Variants in COBLL1 observed in about 807,000 individuals in gnomAD.
COBLL1 encodes cordon-bleu WH2 repeat protein like 1.
Under a neutral mutation model 94.8 loss-of-function variants are expected in COBLL1, and 50 were observed. The ratio of observed to expected loss-of-function variants is 0.53; its 90% CI spans 0.42 to 0.67. COBLL1 has a LOEUF of 0.67. COBLL1 is among the 30% of genes least tolerant of loss of function. The pLI, the probability that COBLL1 is intolerant of heterozygous loss-of-function variation, is 0.00. For synonymous variants in COBLL1, 448 were observed against 473.8 expected (o/e 0.95, Z 0.71); for missense variants, 1,362 against 1,348.7 (o/e 1.01, Z -0.15).
downstream of COBLL1, among the ~76,000 whole-genome samples, chr2:164,677,260 T>C (rs542091977): frequency 5.0e-4 from 74 of 148,510 alleles, no homozygotes; most frequent in South Asian, 5.2e-3. Context: ...TTCTTTCTTT[T>C]TTTTGCTATT....
Position 164,684,302 on chromosome 2 carries a change from T to C in COBLL1, c.*1644A>G, listed in dbSNP as rs1683179571. 1 of 152,138 alleles carries C rather than the reference T, an allele frequency of 6.6e-6. No homozygotes were observed. Among genetic ancestry groups the C allele is most frequent in the South Asian group, 2.1e-4 (1 of 4,836 alleles). The allele number at this position is 152,138 out of a possible 1,614,324, so 9.4% of individuals were successfully genotyped here. On this transcript the variant is annotated 3_prime_UTR_variant, in exon 14 of 14. Coordinates refer to ENST00000652658, the MANE Select transcript of COBLL1 (RefSeq NM_001365672.2). ...ATTAAGCCTTTCTTATATATTAATA[T>C]ATTGAAAACATCTTACATGTCGCTT...
At chr2:164,696,717 T>C (rs1052008769) in intron 11 of COBLL1, 1 of 152,224 alleles carries the variant, frequency 6.6e-6, no homozygotes, top group Non-Finnish European at 1.5e-5. Flanking sequence ...AACAACATGA[T>C]GGCAAAGCAC....
At chr2:164,714,261 G>A (rs1290351505) in intron 7 of COBLL1, among the ~76,000 whole-genome samples, 1 of 149,626 alleles carries the variant, frequency 6.7e-6, no homozygotes, top group Non-Finnish European at 1.5e-5. Flanking sequence ...TCAACCCTAT[G>A]ATACTCTGAT....
At chr2:164,671,313 C>CT (rs1489706752) in intron 1 of COBLL1, among the ~76,000 whole-genome samples, 1 of 151,832 alleles carries the variant, frequency 6.6e-6, no homozygotes, top group African/African-American at 2.4e-5. Context: ...GTTTTTTTGT[C>CT]TTTTTTTAAT....
intron 2 of COBLL1, among the ~76,000 whole-genome samples, chr2:164,772,564 C>A (rs1023262409): frequency 2.0e-5 from 3 of 151,962 alleles, no homozygotes; most frequent in Admixed American, 1.3e-4. Context: ...TCTAAGAAGA[C>A]TTCTTTAAAT....
At chr2:164,836,375 T>C (rs559606057) in intron 2 of COBLL1, among the ~76,000 whole-genome samples, 1 of 152,192 alleles carries the variant, frequency 6.6e-6, no homozygotes, top group South Asian at 2.1e-4. Flanking sequence ...TTTTTAAATA[T>C]AAAATGTAAA....
intron 2 of COBLL1, among the ~76,000 whole-genome samples, chr2:164,791,895 G>T (rs1168300447): frequency 6.7e-6 from 1 of 150,164 alleles, no homozygotes; most frequent in Non-Finnish European, 1.5e-5. Context: ...TTTAAAAAAA[G>T]CAGCCGGCTT....
At chr2:164,803,555 A>G (rs1337177728) in intron 2 of COBLL1, among the ~76,000 whole-genome samples, 3 of 138,550 alleles carry the variant, frequency 2.2e-5, no homozygotes, top group African/African-American at 8.3e-5. Flanking sequence ...ACAGAGCGAG[A>G]CTCTGTCTCA....
intron 2 of COBLL1, among the ~76,000 whole-genome samples, chr2:164,783,618 C>T (rs915287374): frequency 6.6e-6 from 1 of 152,044 alleles, no homozygotes; most frequent in African/African-American, 2.4e-5. Flanking sequence ...CAAGATTTAG[C>T]AGTAGTGGTT....
intron 9 of COBLL1, among the ~76,000 whole-genome samples, chr2:164,701,607 TC>T (rs1185093298): frequency 1.3e-5 from 2 of 152,218 alleles, no homozygotes; most frequent in Non-Finnish European, 2.9e-5. Flanking sequence ...TTAAATATCA[TC>T]CATATTAATA....
chr2:164,728,834 A>G (rs1239580145), intron 4 of COBLL1, among the ~76,000 whole-genome samples: 1 of 152,028 alleles, frequency 6.6e-6, no homozygotes. Flanking sequence ...AATATCTAGT[A>G]CTAATAATTT....
intron 2 of COBLL1, among the ~76,000 whole-genome samples, chr2:164,770,246 C>T (rs1214123103): frequency 6.6e-6 from 1 of 151,864 alleles, no homozygotes; most frequent in African/African-American, 2.4e-5. Context: ...GTGTGCCCAG[C>T]ACCACTGAAA....
chr2:164,807,762 A>G (rs1684248739), intron 2 of COBLL1, among the ~76,000 whole-genome samples: 1 of 152,038 alleles, frequency 6.6e-6, no homozygotes, highest in Admixed American at 6.5e-5. Context: ...GGATAATTTA[A>G]TTATTATTTC....
Position 164,700,729 on chromosome 2 carries a change from T to C in COBLL1, c.1253A>G (p.Glu418Gly). ...CAGTTCTTCCTTTTCATCTATCTCT[T>C]CAAGGCTATAATCAGAGCTTATTCC... ...PAGISSDYSL[E>G]EIDEKEELSE... Residue 418 changes from glutamate (E) to glycine (G), a missense_variant, in exon 10 of 14, where the codon GAA (glutamate) becomes GGA (glycine). Coordinates refer to ENST00000652658, the MANE Select transcript of COBLL1 (RefSeq NM_001365672.2). The C allele has an allele frequency of 6.2e-7, 1 of 1,610,096 alleles. No individual in the cohort carries two copies. Among genetic ancestry groups the C allele is most frequent in the Non-Finnish European group, 8.5e-7 (1 of 1,176,536 alleles).
chr2:164,778,191 G>A (rs1688562648), intron 2 of COBLL1, among the ~76,000 whole-genome samples: 1 of 152,184 alleles, frequency 6.6e-6, no homozygotes, highest in Non-Finnish European at 1.5e-5. Flanking sequence ...TTTGTGACAT[G>A]GAGAATTGCA....
chr2:164,663,984 T>C (rs1691110375), intron 2 of COBLL1, among the ~76,000 whole-genome samples: 1 of 152,214 alleles, frequency 6.6e-6, no homozygotes, highest in African/African-American at 2.4e-5. Flanking sequence ...TTAAAATCCT[T>C]TTTGCTTTTA....
At chr2:164,673,978 T>A (rs1024680933) in intron 1 of COBLL1, among the ~76,000 whole-genome samples, 8 of 152,222 alleles carry the variant, frequency 5.3e-5, no homozygotes, top group Admixed American at 5.2e-4. Context: ...ATAAGATTTG[T>A]AGGAAGGTAG....
chr2:164,745,865 G>C (rs1686834367), intron 2 of COBLL1, among the ~76,000 whole-genome samples: 1 of 152,144 alleles, frequency 6.6e-6, no homozygotes, highest in South Asian at 2.1e-4. Context: ...GAAGTCAAAA[G>C]AGATGAGAAA....
intron 7 of COBLL1, among the ~76,000 whole-genome samples, chr2:164,713,984 T>C (rs1206875954): frequency 6.6e-6 from 1 of 152,090 alleles, no homozygotes; most frequent in Non-Finnish European, 1.5e-5. Context: ...CACAATCTTA[T>C]TCTACAGAGG....
Sources: gnomAD v4.1 joint callset for allele counts (sites outside exome capture counted in the v4.1 genomes callset) on GRCh38, gnomAD v4.1.1 for gene constraint, MANE v1.5 for transcripts, NCBI Gene and HGNC (gene_info 2026-07-23, HGNC 2026-07-21) for gene names.